EYA4: variants seen among roughly 807,000 people sequenced by gnomAD.
EYA4 encodes protein phosphatase EYA4.
In EYA4, 31 loss-of-function variants were observed where a neutral mutation model predicts 87.9. The ratio of observed to expected loss-of-function variants is 0.35; its 90% confidence interval spans 0.27 to 0.48. The LOEUF (loss-of-function observed/expected upper bound fraction) is 0.48. Ranked by LOEUF, EYA4 falls within the 20% of genes least tolerant of loss-of-function variation. EYA4 has a pLI of 0.99. For missense variants in EYA4, 678 were observed against 761.4 expected (o/e 0.89, Z 1.29); for synonymous variants, 263 against 270.6 (o/e 0.97, Z 0.28).
chr6:133,438,828 G>A (rs1791962966), intron 3 of EYA4, among the ~76,000 whole-genome samples: 1 of 151,946 alleles, frequency 6.6e-6, no homozygotes, highest in Non-Finnish European at 1.5e-5. Flanking sequence ...GGATCACAAG[G>A]TCAGGAGATC....
rs3836960 is a variant in EYA4 at position 133,252,942 on chromosome 6, A to AAC, written c.-66+11240_-66+11241dup. Among the ~76,000 whole-genome samples, 578 of 138,744 alleles carry AAC rather than the reference A, an allele frequency of 4.2e-3. 4 individuals are homozygous for AAC. Among genetic ancestry groups the AAC allele is most frequent in the East Asian group, 6.6e-3 (31 of 4,690 alleles). The allele number at this position is 138,744 out of a possible 152,430, so 91.0% of individuals were successfully genotyped here. A position where few individuals can be genotyped will look rare whatever the true frequency, so the allele number is the denominator to read the frequency against. ...AGTAGGCAGGGTAGAGGTACTTGAA[A>AAC]ACACACACACACACACACACACACA... is the stretch of plus-strand genomic sequence containing the variant. On this transcript the variant is annotated intron_variant, in intron 1 of 19. Transcript: ENST00000355286.
intron 3 of EYA4, among the ~76,000 whole-genome samples, chr6:133,398,131 C>T (rs928690575): frequency 3.3e-5 from 5 of 152,144 alleles, no homozygotes; most frequent in African/African-American, 1.2e-4. Flanking sequence ...GGGGGGAGGA[C>T]AGTGCAAGAT....
At chr6:133,394,072 A>G (rs3777811) in intron 3 of EYA4, among the ~76,000 whole-genome samples, 11,406 of 152,224 alleles carry the variant, frequency 0.075, 645 homozygotes, top group East Asian at 0.22. Flanking sequence ...CAATAAGCCA[A>G]TGGATGAATG....
At chr6:133,255,936 A>G (rs182923449) in intron 1 of EYA4, among the ~76,000 whole-genome samples, 14 of 152,214 alleles carry the variant, frequency 9.2e-5, no homozygotes, top group African/African-American at 2.6e-4. Context: ...ATGCAATATT[A>G]ATAGATAAAT....
intron 2 of EYA4, among the ~76,000 whole-genome samples, chr6:133,349,739 C>T (rs370569997): frequency 6.6e-6 from 1 of 152,090 alleles, no homozygotes; most frequent in East Asian, 1.9e-4. Context: ...TCATTGCTAT[C>T]ATAGGCAAAC....
intron 5 of EYA4, among the ~76,000 whole-genome samples, chr6:133,449,541 A>G (rs572472763): frequency 1.3e-5 from 2 of 152,204 alleles, no homozygotes; most frequent in Admixed American, 6.5e-5. Context: ...CAGTGTTAAA[A>G]CTCGTGAGTC....
chr6:133,479,416 T>C (rs1796017275), intron 11 of EYA4, among the ~76,000 whole-genome samples: 1 of 152,210 alleles, frequency 6.6e-6, no homozygotes, highest in Non-Finnish European at 1.5e-5. Flanking sequence ...AGCACAGGCA[T>C]ATTTTTTTGA....
chr6:133,490,938 A>T (rs1304411044), intron 13 of EYA4, among the ~76,000 whole-genome samples: 1 of 152,238 alleles, frequency 6.6e-6, no homozygotes, highest in East Asian at 1.9e-4. Flanking sequence ...GATCATTCTC[A>T]TGATAGACCA....
chr6:133,302,233 A>G (rs1255500535), intron 2 of EYA4, among the ~76,000 whole-genome samples: 6 of 152,088 alleles, frequency 3.9e-5, no homozygotes. Context: ...TTTTTTTTTA[A>G]ATAAATAAAT....
intron 2 of EYA4, among the ~76,000 whole-genome samples, chr6:133,296,138 A>G (rs1778928460): frequency 6.6e-6 from 1 of 152,192 alleles, no homozygotes; most frequent in African/African-American, 2.4e-5. Flanking sequence ...GCCTACAAGC[A>G]AAAGGAGGAG....
chr6:133,379,542 T>C (rs1283824612), intron 2 of EYA4, among the ~76,000 whole-genome samples: 1 of 152,150 alleles, frequency 6.6e-6, no homozygotes, highest in East Asian at 1.9e-4. Context: ...CTAATCTTTC[T>C]TTTCAAATAC....
chr6:133,403,483 A>G lies in EYA4; in HGVS notation c.83+21042A>G, dbSNP rs566755195. 8.3e-3 allele frequency among the ~76,000 whole-genome samples: 1,270 copies of G among 152,324 alleles called. 12 individuals are homozygous for G. Among genetic ancestry groups the G allele is most frequent in the Non-Finnish European group, 0.014 (971 of 68,030 alleles). On this transcript the variant is annotated intron_variant, in intron 3 of 19. Transcript: ENST00000355286. ...AAATGCCTGCTTTAACCACAGGGGG[A>G]AAAAATACAACTTTGTTCTTGTATG...
At chr6:133,510,659 A>G in intron 14 of EYA4, 2 of 203,350 alleles carry the variant, frequency 9.8e-6, no homozygotes, top group South Asian at 1.5e-4. Context: ...TTGGTCAAAG[A>G]GGGGAAGACA....
At chr6:133,294,636 C>G (rs955660294) in intron 2 of EYA4, among the ~76,000 whole-genome samples, 1 of 151,986 alleles carries the variant, frequency 6.6e-6, no homozygotes, top group Non-Finnish European at 1.5e-5. Context: ...GGTGCGATCT[C>G]GATTCACTGC....
intron 14 of EYA4, chr6:133,511,752 A>G (rs1799158531): frequency 6.6e-6 from 1 of 152,258 alleles, no homozygotes; most frequent in Non-Finnish European, 1.5e-5. Context: ...CAGGCGGATC[A>G]CAAGGTCAGG....
chr6:133,366,508 G>A (rs1279382038), intron 2 of EYA4, among the ~76,000 whole-genome samples: 2 of 152,166 alleles, frequency 1.3e-5, no homozygotes, highest in African/African-American at 4.8e-5. Context: ...TCATGCATTT[G>A]CCCACAGCCC....
intron 11 of EYA4, among the ~76,000 whole-genome samples, chr6:133,476,153 T>C (rs1175277023): frequency 6.6e-6 from 1 of 152,102 alleles, no homozygotes; most frequent in Non-Finnish European, 1.5e-5. Context: ...ATTGTATCTA[T>C]TTTTGTGTAT....
At chr6:133,465,019 C>A (rs1055367648) in intron 10 of EYA4, among the ~76,000 whole-genome samples, 161 bp downstream of exon 10, 3 of 151,956 alleles carry the variant, frequency 2.0e-5, no homozygotes, top group African/African-American at 7.2e-5. Context: ...ATCTAGAATT[C>A]TTGGAATATG....
chr6:133,470,148 G>A (rs1795207563), intron 11 of EYA4, among the ~76,000 whole-genome samples: 1 of 148,684 alleles, frequency 6.7e-6, no homozygotes, highest in South Asian at 2.2e-4. Context: ...TGGTGTTTTG[G>A]ACATGAAGTC....
Sources: allele counts gnomAD v4.1 joint callset (sites outside exome capture counted in the v4.1 genomes callset), GRCh38; gene constraint gnomAD v4.1.1; transcripts MANE v1.5; gene names NCBI Gene and HGNC (gene_info 2026-07-23, HGNC 2026-07-21).